Variants in DMD observed in about 807,000 individuals in gnomAD.
DMD encodes dystrophin.
DMD carries 63 observed loss-of-function variants against 330.1 expected under a neutral mutation model. That is an observed-to-expected ratio of 0.19 (90% confidence interval 0.16 to 0.24). The LOEUF is 0.24. Among genes scored for constraint, DMD ranks in the 10% least tolerant of loss-of-function variants. DMD has a pLI of 1.00. For missense variants in DMD, 3,344 were observed against 2,684.1 expected, an observed-to-expected ratio of 1.25 and a Z score of -5.43; for synonymous variants, 1,223 against 959.8, an observed-to-expected ratio of 1.27 and a Z score of -5.07.
chrX:32,889,472 A>T (rs2084977008), intron 2 of DMD, among the ~76,000 whole-genome samples: 1 of 110,108 alleles, frequency 9.1e-6, no homozygotes, highest in South Asian at 3.9e-4. Flanking sequence ...CAGTGTCAGG[A>T]CTCTGAGCTA....
At chrX:31,591,869 T>C (rs2076889612) in intron 55 of DMD, among the ~76,000 whole-genome samples, 1 of 110,982 alleles carries the variant, frequency 9.0e-6, no homozygotes, top group African/African-American at 3.3e-5. Context: ...ACACCATTTA[T>C]TTCAGGACTA....
intron 44 of DMD, among the ~76,000 whole-genome samples, chrX:32,020,221 G>A (rs1178272305): frequency 8.9e-6 from 1 of 112,167 alleles, no homozygotes; most frequent in African/African-American, 3.2e-5. Context: ...CAACCTACTT[G>A]TCCCCAAAGC....
At chrX:33,269,674 T>G (rs2053118108) in intron 1 of DMD, among the ~76,000 whole-genome samples, 1 of 111,704 alleles carries the variant, frequency 9.0e-6, no homozygotes, top group Non-Finnish European at 1.9e-5. Flanking sequence ...AAGTTCATAG[T>G]TAAAAATTTA....
At chrX:32,335,685 CAT>C (rs1295009365) in intron 41 of DMD, among the ~76,000 whole-genome samples, 8 of 106,838 alleles carry the variant, frequency 7.5e-5, no homozygotes, top group African/African-American at 2.7e-4. Context: ...GTATATATAA[CAT>C]ATAACATGTT....
intron 77 of DMD, among the ~76,000 whole-genome samples, chrX:31,130,434 C>A (rs1032539536): frequency 3.6e-5 from 4 of 111,639 alleles, no homozygotes; most frequent in African/African-American, 1.3e-4. Flanking sequence ...TAGAAATTGG[C>A]TAATATTCAG....
chrX:32,730,390 T>C (rs891842797), intron 7 of DMD, among the ~76,000 whole-genome samples: 1 of 111,979 alleles, frequency 8.9e-6, no homozygotes, highest in Non-Finnish European at 1.9e-5. Flanking sequence ...AATGCATAGA[T>C]ATGTGATCCA....
chrX:32,777,285 G>GGGGGGGGGGGGGGGGGGGGGA (rs2074274945), intron 7 of DMD, among the ~76,000 whole-genome samples: 1 of 52,735 alleles, frequency 1.9e-5, no homozygotes, highest in Non-Finnish European at 3.6e-5. Flanking sequence ...GTTGGGGGGG[G>GGGGGGGGGGGGGGGGGGGGGA]AATCCTACCA....
At chrX:33,319,573 G>T (rs977652892) in intron 1 of DMD, among the ~76,000 whole-genome samples, 2 of 111,697 alleles carry the variant, frequency 1.8e-5, no homozygotes, top group Admixed American at 1.9e-4. Flanking sequence ...AGATCTTATC[G>T]TGTATTATCT....
At chrX:31,685,840 C>T (rs1194807911) in intron 52 of DMD, among the ~76,000 whole-genome samples, 3 of 112,507 alleles carry the variant, frequency 2.7e-5, no homozygotes, top group Non-Finnish European at 5.6e-5. Context: ...CCTTTACCCC[C>T]TTGTGGTTGA....
intron 47 of DMD, among the ~76,000 whole-genome samples, chrX:31,877,364 G>A (rs973594840): frequency 4.5e-5 from 5 of 111,142 alleles, no homozygotes; most frequent in South Asian, 3.8e-4. Context: ...TGGCTTTGTC[G>A]TGTGGAACTG....
At chrX:32,741,518 A>G (rs115537308) in intron 7 of DMD, among the ~76,000 whole-genome samples, 1,900 of 111,751 alleles carry the variant, frequency 0.017, 45 homozygotes, top group African/African-American at 0.058. Context: ...TAAGACGATC[A>G]ACAACCTTAT....
rs141952515 is a variant in DMD at position 32,094,821 on chromosome X, C to T, written c.6438+122095G>A. Among the ~76,000 whole-genome samples, 366 of 111,740 alleles carry T rather than the reference C, an allele frequency of 3.3e-3. 1 individual carries two copies. The highest frequency in any genetic ancestry group is 5.8e-3 in the Non-Finnish European group (308 of 53,113). ...GTCTGTAAGTCATGTATTCACAAAA[C>T]GATGCTTAGTGGCTTGTGGCAGTAC... On this transcript the variant is annotated intron_variant, in intron 44 of 78. Coordinates refer to ENST00000357033, the MANE Select transcript of DMD (RefSeq NM_004006.3).
At chrX:31,801,532 T>C (rs2092061499) in intron 50 of DMD, among the ~76,000 whole-genome samples, 1 of 109,837 alleles carries the variant, frequency 9.1e-6, no homozygotes, top group Non-Finnish European at 1.9e-5. Flanking sequence ...AATAATACTT[T>C]ACTGTTTACT....
chrX:31,438,970 G>GT (rs1014077584), intron 60 of DMD, among the ~76,000 whole-genome samples: 3 of 111,026 alleles, frequency 2.7e-5, no homozygotes, highest in Admixed American at 1.9e-4. Context: ...AAACTGGTTA[G>GT]TTTTTTTAAA....
intron 67 of DMD, 76 bp from the exon 68 acceptor site, chrX:31,182,980 T>C: frequency 2.3e-6 from 2 of 873,459 alleles, no homozygotes; most frequent in Non-Finnish European, 3.3e-6. Context: ...AGGAGGTGTA[T>C]ATCAGTTCGA....
In DMD at chrX:33,096,176, A is replaced by G. The variant is rs368557400; in HGVS notation, c.32-75976T>C. On this transcript the variant is annotated intron_variant, in intron 1 of 78. Transcript: ENST00000357033. The stretch of plus-strand genomic sequence containing the variant: ...TTTTTAGTAGAGACGGGGTTTCACC[A>G]TGTTAGCCAGGATGGTCTCGATCTC... 6.9e-3 allele frequency among the ~76,000 whole-genome samples: 758 copies of G among 109,352 alleles called. 4 individuals carry two copies. Among genetic ancestry groups the G allele is most frequent in the African/African-American group, 0.016 (481 of 30,121 alleles). 95.0% of individuals were successfully genotyped at this position (109,352 alleles called of 115,157 possible).
intron 61 of DMD, among the ~76,000 whole-genome samples, chrX:31,329,961 T>C (rs1222678698): frequency 4.4e-5 from 3 of 68,173 alleles, no homozygotes; most frequent in African/African-American, 1.3e-4. Context: ...CAGAGCAAGA[T>C]TCCATCTCAA....
At chrX:31,720,662 TTTTG>T (rs1166088379) in intron 52 of DMD, among the ~76,000 whole-genome samples, 5 of 111,771 alleles carry the variant, frequency 4.5e-5, no homozygotes, top group Admixed American at 9.5e-5. Flanking sequence ...TATTTAATAG[TTTTG>T]TTTATTATGT....
intron 2 of DMD, among the ~76,000 whole-genome samples, chrX:32,857,894 T>G (rs1238863004): frequency 2.3e-4 from 26 of 111,386 alleles, no homozygotes; most frequent in Non-Finnish European, 3.2e-4. Flanking sequence ...CCAAGGTCTT[T>G]TATAAGTCTT....
Sources: gnomAD v4.1 joint callset for allele counts (sites outside exome capture counted in the v4.1 genomes callset) on GRCh38, gnomAD v4.1.1 for gene constraint, MANE v1.5 for transcripts, NCBI Gene and HGNC (gene_info 2026-07-23, HGNC 2026-07-21) for gene names.